The following EPHA6 variants were observed in gnomAD, a reference collection of about 807,000 sequenced individuals.
EPHA6 encodes EPH receptor A6, also known as ephrin type-A receptor 6.
In EPHA6, 50 loss-of-function variants were observed where a neutral mutation model predicts 112.0. The observed-to-expected ratio is 0.45, with a 90% CI of 0.36 to 0.56. EPHA6 has a LOEUF of 0.56. Ranked by LOEUF, EPHA6 falls within the 20% of genes least tolerant of loss-of-function variation. The pLI is 0.00. For missense variants in EPHA6, 1,280 were observed against 1,417.4 expected, an observed-to-expected ratio of 0.90 and a Z score of 1.56; for synonymous variants, 529 against 490.7, an observed-to-expected ratio of 1.08 and a Z score of -1.03.
At chr3:96,979,512 T>C (rs150165568) in intron 2 of EPHA6, among the ~76,000 whole-genome samples, 26,386 of 152,062 alleles carry the variant, frequency 0.17, 2,571 homozygotes, top group Non-Finnish European at 0.22. Context: ...AATAAACATA[T>C]GTGTGCATGT....
Position 97,600,128 on chromosome 3 carries a change from CTT to C in EPHA6, c.2512+7393_2512+7394del, listed in dbSNP as rs1253385474. 1.3e-5 allele frequency among the ~76,000 whole-genome samples: 2 copies of C among 150,468 alleles called. 1 individual carries two copies. The highest frequency in any genetic ancestry group is 3.9e-4 in the East Asian group (2 of 5,116). On this transcript the variant is annotated intron_variant, in intron 12 of 17. Coordinates refer to ENST00000389672, the MANE Select transcript of EPHA6 (RefSeq NM_001080448.3). ...TGTACATTGATTTTGTATCCTGAGACTTTGCTGAAGTTGCTTATCAGCTGAAG... is the reference window on the plus strand; with the variant it reads ...TGTACATTGATTTTGTATCCTGAGACTGCTGAAGTTGCTTATCAGCTGAAG...
At position 97,346,855 on chromosome 3, in the gene EPHA6, A is replaced by C. The variant is rs1021152994; in HGVS notation, c.1607-58295A>C. 3.9e-5 allele frequency among the ~76,000 whole-genome samples: 6 copies of C among 152,008 alleles called. 1 individual carries two copies. Among genetic ancestry groups the C allele is most frequent in the Admixed American group, 2.6e-4 (4 of 15,232 alleles). ...GCAAGAGGGATTCCATGCACATATG[A>C]GGTATTTTTCTGAGAAGCTTTTATT... On this transcript the variant is annotated intron_variant, in intron 5 of 17. Transcript: ENST00000389672.
chr3:97,441,755 T>C (rs533523979), intron 6 of EPHA6, among the ~76,000 whole-genome samples: 8 of 152,116 alleles, frequency 5.3e-5, no homozygotes, highest in Non-Finnish European at 7.4e-5. Context: ...TGGTCATTGC[T>C]AGTATACAGG....
At chr3:97,090,766 T>C (rs1317685847) in intron 3 of EPHA6, among the ~76,000 whole-genome samples, 2 of 152,068 alleles carry the variant, frequency 1.3e-5, no homozygotes, top group East Asian at 3.9e-4. Flanking sequence ...AATGGACTCA[T>C]TGGCTGACCA....
intron 1 of EPHA6, among the ~76,000 whole-genome samples, chr3:96,816,365 T>C (rs1356823891): frequency 6.6e-6 from 1 of 152,142 alleles, no homozygotes; most frequent in African/African-American, 2.4e-5. Flanking sequence ...TCAGTTACAG[T>C]GTCCTGTTTT....
chr3:97,052,276 A>G (rs1340689712), intron 3 of EPHA6, among the ~76,000 whole-genome samples: 2 of 152,054 alleles, frequency 1.3e-5, no homozygotes, highest in East Asian at 1.9e-4. Flanking sequence ...GCCTTGAGAT[A>G]TCTTCCTCTA....
intron 5 of EPHA6, among the ~76,000 whole-genome samples, chr3:97,306,704 A>G (rs2081335328): frequency 1.3e-5 from 2 of 151,880 alleles, no homozygotes; most frequent in Non-Finnish European, 2.9e-5. Context: ...CAAATATATT[A>G]CTATTAAAAA....
chr3:97,398,204 T>C (rs2086796485), intron 5 of EPHA6, among the ~76,000 whole-genome samples: 2 of 151,490 alleles, frequency 1.3e-5, no homozygotes, highest in Non-Finnish European at 3.0e-5. Flanking sequence ...AAGCAAAATG[T>C]AAAACACTGG....
intron 6 of EPHA6, among the ~76,000 whole-genome samples, chr3:97,440,680 C>T (rs1383282151): frequency 6.6e-6 from 1 of 151,224 alleles, no homozygotes; most frequent in East Asian, 1.9e-4. Flanking sequence ...CCTCACATAT[C>T]TAAAACTGTG....
intron 6 of EPHA6, among the ~76,000 whole-genome samples, chr3:97,437,686 A>G (rs114768452): frequency 3.3e-5 from 5 of 152,238 alleles, no homozygotes; most frequent in Non-Finnish European, 5.9e-5. Context: ...TTGTTTTTGT[A>G]GAAACGGGGT....
intron 3 of EPHA6, among the ~76,000 whole-genome samples, chr3:97,018,483 T>C (rs1431164780): frequency 6.6e-6 from 1 of 152,126 alleles, no homozygotes; most frequent in East Asian, 1.9e-4. Flanking sequence ...TCTCCAATGA[T>C]AGGTAAGGCC....
intron 1 of EPHA6, among the ~76,000 whole-genome samples, chr3:96,862,508 C>A (rs1297031881): frequency 6.6e-6 from 1 of 151,888 alleles, no homozygotes; most frequent in African/African-American, 2.4e-5. Flanking sequence ...ACTCAATTTA[C>A]ATGACATTGA....
intron 2 of EPHA6, among the ~76,000 whole-genome samples, chr3:96,973,730 G>A (rs2042403962): frequency 6.7e-6 from 1 of 150,340 alleles, no homozygotes; most frequent in South Asian, 2.1e-4. Context: ...GGAGGCTGAG[G>A]CAGGGAAATT....
At chr3:97,462,025 T>C (rs1342972714) in intron 7 of EPHA6, among the ~76,000 whole-genome samples, 1 of 152,170 alleles carries the variant, frequency 6.6e-6, no homozygotes, top group Non-Finnish European at 1.5e-5. Flanking sequence ...ACACATCAAA[T>C]GTCTCAGTGC....
intron 5 of EPHA6, among the ~76,000 whole-genome samples, chr3:97,271,755 G>A (rs1328160809): frequency 1.3e-5 from 2 of 152,128 alleles, no homozygotes; most frequent in African/African-American, 4.8e-5. Context: ...CAATTAATGT[G>A]ATAAATAATT....
chr3:97,680,949 C>T (rs1467771370), intron 14 of EPHA6, among the ~76,000 whole-genome samples: 1 of 152,104 alleles, frequency 6.6e-6, no homozygotes, highest in African/African-American at 2.4e-5. Context: ...CTCTATCACA[C>T]ACAAGCATAG....
intron 3 of EPHA6, among the ~76,000 whole-genome samples, chr3:97,139,782 T>A (rs1166198365): frequency 6.6e-6 from 1 of 152,194 alleles, no homozygotes; most frequent in Admixed American, 6.5e-5. Flanking sequence ...AAAATCAGTG[T>A]TGCGACACCC....
At chr3:97,479,019 T>A (rs1385032556) in intron 8 of EPHA6, among the ~76,000 whole-genome samples, 1 of 152,172 alleles carries the variant, frequency 6.6e-6, no homozygotes, top group Non-Finnish European at 1.5e-5. Context: ...CAACTCTAGC[T>A]ATTAGTAGTC....
intron 14 of EPHA6, among the ~76,000 whole-genome samples, chr3:97,669,060 T>C (rs1332341404): frequency 6.6e-6 from 1 of 151,974 alleles, no homozygotes; most frequent in Non-Finnish European, 1.5e-5. Flanking sequence ...TATCAGTCCC[T>C]TCTAAGGTCT....
Sources: gnomAD v4.1 joint callset for allele counts (sites outside exome capture counted in the v4.1 genomes callset) on GRCh38, gnomAD v4.1.1 for gene constraint, MANE v1.5 for transcripts, NCBI Gene and HGNC (gene_info 2026-07-23, HGNC 2026-07-21) for gene names.